LRRN1: variants seen among roughly 807,000 people sequenced by gnomAD.
LRRN1 encodes leucine rich repeat neuronal 1, also known as leucine-rich repeat neuronal protein 1.
Under a neutral mutation model 45.8 loss-of-function variants are expected in LRRN1, and 14 were observed. The ratio of observed to expected loss-of-function variants is 0.31; its 90% confidence interval spans 0.20 to 0.48. The LOEUF (loss-of-function observed/expected upper bound fraction) is 0.48, where lower values mean the gene tolerates loss of function less well. LRRN1 is among the 20% of genes least tolerant of loss of function. The pLI, the probability that LRRN1 is intolerant of heterozygous loss-of-function variation, is 0.99. For synonymous variants in LRRN1, 359 were observed against 330.1 expected (o/e 1.09, Z -0.95); for missense variants, 789 against 874.2 (o/e 0.90, Z 1.23).
Position 3,846,179 on chromosome 3 carries a change from C to T in LRRN1, c.1538C>T (p.Thr513Ile). 1 of 1,614,138 alleles carries T rather than the reference C, an allele frequency of 6.2e-7. No homozygotes were observed. The highest frequency in any genetic ancestry group is 8.5e-7 in the Non-Finnish European group (1 of 1,180,018). Residue 513 changes from threonine to isoleucine, a missense_variant, in exon 2 of 2, where the codon ACA becomes ATA. Transcript: ENST00000319331. This position sits in a 1 kb window ranked among gnomAD's most constrained non-coding sequence, Gnocchi z 5.7. ...CAAGGGGCAGACACTCGGGTGGCAA[C>T]AATTAAGGTTAATGGGACCCTTCTG... is the stretch of plus-strand genomic sequence containing the variant. Reference protein sequence around the residue: ...NVQGADTRVATIKVNGTLLDG... With the variant: ...NVQGADTRVAIIKVNGTLLDG...
At chr3:3,817,008 A>G (rs711579) in intron 1 of LRRN1, among the ~76,000 whole-genome samples, 124,662 of 152,122 alleles carry the variant, frequency 0.82, 52,484 homozygotes, top group East Asian at 0.95. Context: ...GATTTATTAC[A>G]GGAATTAGCC....
intron 1 of LRRN1, among the ~76,000 whole-genome samples, chr3:3,825,017 A>G (rs552833147): frequency 1.3e-5 from 2 of 152,324 alleles, no homozygotes; most frequent in South Asian, 4.1e-4. Flanking sequence ...AAGTCAAATC[A>G]GACTCTGAGG....
At chr3:3,810,309 C>T (rs1317624513) in intron 1 of LRRN1, among the ~76,000 whole-genome samples, 5 of 152,116 alleles carry the variant, frequency 3.3e-5, no homozygotes, top group African/African-American at 1.2e-4. Flanking sequence ...AACCCAAAAG[C>T]TTCACCTCTC....
intron 1 of LRRN1, among the ~76,000 whole-genome samples, chr3:3,811,040 G>C (rs1254015124): frequency 6.6e-6 from 1 of 152,072 alleles, no homozygotes; most frequent in Non-Finnish European, 1.5e-5. Flanking sequence ...TTAGCTCTGG[G>C]GGAAAGCCAG....
At position 3,841,269 on chromosome 3, in the gene LRRN1, C is replaced by T. The variant is rs1335600128; in HGVS notation, c.-278-3095C>T. 1.4e-4 allele frequency among the ~76,000 whole-genome samples: 18 copies of T among 130,646 alleles called. No individual in the cohort carries two copies. The Admixed American group carries it at 1.4e-3, about 10-fold the overall frequency. 85.7% of individuals were successfully genotyped at this position (130,646 alleles called of 152,430 possible). ...TCGCACCACTGCACTCCAGCCTGGG[C>T]GACAGAGCGAGACTTTGTCTCAAAA... On this transcript the variant is annotated intron_variant, in intron 1 of 1. Transcript: ENST00000319331.
At chr3:3,837,363 T>G (rs1329941031) in intron 1 of LRRN1, among the ~76,000 whole-genome samples, 1 of 151,704 alleles carries the variant, frequency 6.6e-6, no homozygotes. Flanking sequence ...CCACACCAAG[T>G]GTCAAGAGCT....
intron 1 of LRRN1, among the ~76,000 whole-genome samples, chr3:3,836,140 ATAAT>A (rs1693506782): frequency 6.6e-6 from 1 of 152,182 alleles, no homozygotes; most frequent in Non-Finnish European, 1.5e-5. Context: ...AGAATTTAAG[ATAAT>A]TAATTTGTAT....
chr3:3,820,701 C>T (rs533257119), intron 1 of LRRN1, among the ~76,000 whole-genome samples: 1 of 152,308 alleles, frequency 6.6e-6, no homozygotes, highest in East Asian at 1.9e-4. Context: ...GAGAGAAATG[C>T]AATAAATGAA....
At chr3:3,812,813 A>T (rs1051458862) in intron 1 of LRRN1, among the ~76,000 whole-genome samples, 2 of 38,556 alleles carry the variant, frequency 5.2e-5, no homozygotes, top group East Asian at 1.9e-3. Context: ...TCTTGGTTGT[A>T]AAAAAAAAAA....
intron 1 of LRRN1, among the ~76,000 whole-genome samples, chr3:3,832,813 T>C (rs1693399412): frequency 6.6e-6 from 1 of 152,218 alleles, no homozygotes; most frequent in South Asian, 2.1e-4. Flanking sequence ...CTAGAAGTTT[T>C]CTGTTTGTGT....
intron 1 of LRRN1, among the ~76,000 whole-genome samples, chr3:3,805,396 A>G (rs780651869): frequency 5.9e-5 from 9 of 152,214 alleles, no homozygotes; most frequent in Non-Finnish European, 1.3e-4. Flanking sequence ...CATAATAATC[A>G]GTGTAATCAA....
Position 3,845,873 on chromosome 3 carries a change from A to C in LRRN1, c.1232A>C (p.Lys411Thr). 6.2e-7 allele frequency: 1 copy of C among 1,614,146 alleles called. No homozygotes were observed. Among genetic ancestry groups the C allele is most frequent in the Non-Finnish European group, 8.5e-7 (1 of 1,180,010 alleles). The change falls in exon 2 of 2, where the codon AAG (lysine) becomes ACG (threonine). Residue 411 changes from lysine (K) to threonine (T), a missense_variant. Physicochemically the swap from Lys to Thr is moderately conservative, Grantham distance 78. Coordinates refer to ENST00000319331, the MANE Select transcript of LRRN1 (RefSeq NM_020873.7). This position sits in a 1 kb window ranked among gnomAD's most constrained non-coding sequence, Gnocchi z 6.5. The stretch of plus-strand genomic sequence containing the variant: ...CCCGAATATAAAGGGCACCAGGTGA[A>C]GGAAGTTTTAATCCAGGATTCGAGT... ...MPPEYKGHQV[K>T]EVLIQDSSEQ...
intron 1 of LRRN1, chr3:3,800,683 C>CCCAGAAGGAG (rs1692631145): frequency 1.7e-4 from 8 of 46,600 alleles, no homozygotes; most frequent in South Asian, 7.8e-4. Flanking sequence ...GAGCCTTGAG[C>CCCAGAAGGAG]TCCACGCGGG....
chr3:3,847,226 T>C lies in LRRN1; in HGVS notation c.*434T>C, dbSNP rs936164198. ...GCTAACATACGGTTTTGAAGCAGCA[T>C]TGAAACTTTTGTAGCAATCTGGTCT... On this transcript the variant is annotated 3_prime_UTR_variant, in exon 2 of 2. Coordinates refer to ENST00000319331, the MANE Select transcript of LRRN1 (RefSeq NM_020873.7). The C allele has an allele frequency of 6.5e-5, 11 of 168,450 alleles. No individual in the cohort carries two copies. Among genetic ancestry groups the C allele is most frequent in the Admixed American group, 2.6e-4 (4 of 15,420 alleles). The allele number at this position is 168,450 out of a possible 1,614,324, so 10.4% of individuals were successfully genotyped here. A position where few individuals can be genotyped will look rare whatever the true frequency, so the allele number is the denominator to read the frequency against.
chr3:3,843,782 C>G (rs1302373957), intron 1 of LRRN1, among the ~76,000 whole-genome samples: 1 of 152,134 alleles, frequency 6.6e-6, no homozygotes, highest in Non-Finnish European at 1.5e-5. Context: ...AAAGCATTGG[C>G]TGAATATGTC....
chr3:3,820,224 A>G (rs868829407), intron 1 of LRRN1, among the ~76,000 whole-genome samples: 9 of 152,282 alleles, frequency 5.9e-5, no homozygotes, highest in Middle Eastern at 3.4e-3. Flanking sequence ...AATGACATAT[A>G]TTTTTAATAG....
intron 1 of LRRN1, among the ~76,000 whole-genome samples, chr3:3,818,555 A>T (rs978472984): frequency 1.3e-5 from 2 of 152,132 alleles, no homozygotes; most frequent in African/African-American, 4.8e-5. Context: ...ACAGAAAAAA[A>T]TTTTTCCCGT....
chr3:3,834,553 TG>T (rs377610756), intron 1 of LRRN1, among the ~76,000 whole-genome samples: 174 of 18,542 alleles, frequency 9.4e-3, no homozygotes, highest in South Asian at 0.026. Context: ...TATATATATA[TG>T]ATATATATAT....
chr3:3,819,386 A>C (rs1362284813), intron 1 of LRRN1, among the ~76,000 whole-genome samples: 1 of 152,176 alleles, frequency 6.6e-6, no homozygotes, highest in Non-Finnish European at 1.5e-5. Flanking sequence ...GAAATTTATT[A>C]TTTCACAGTT....
Sources: gnomAD v4.1 joint callset for allele counts (sites outside exome capture counted in the v4.1 genomes callset) on GRCh38, gnomAD v4.1.1 for gene constraint, Gnocchi (gnomAD v3.1) non-coding constraint, MANE v1.5 for transcripts, NCBI Gene and HGNC (gene_info 2026-07-23, HGNC 2026-07-21) for gene names.